The following MIS18A variants were observed in gnomAD, a reference collection of about 807,000 sequenced individuals.
MIS18A encodes protein Mis18-alpha.
In MIS18A, 14 loss-of-function variants were observed where a neutral mutation model predicts 25.0. The ratio of observed to expected loss-of-function variants is 0.56; its 90% CI spans 0.37 to 0.88. The LOEUF (loss-of-function observed/expected upper bound fraction) is 0.88, where lower values mean the gene tolerates loss of function less well. MIS18A is among the 40% of genes least tolerant of loss of function. The pLI, the probability that MIS18A is intolerant of heterozygous loss-of-function variation, is 0.00. For missense variants in MIS18A, 292 were observed against 290.8 expected, an observed-to-expected ratio of 1.00 and a Z score of -0.03; for synonymous variants, 134 against 118.6, an observed-to-expected ratio of 1.13 and a Z score of -0.84.
chr21:32,230,781 C>T, the MIS18A span, among the ~76,000 whole-genome samples: 1 of 152,144 alleles, frequency 6.6e-6, no homozygotes, highest in African/African-American at 2.4e-5. Flanking sequence ...AAAACTCTTA[C>T]AAGAAAACAC....
At chr21:32,193,526 A>C in the MIS18A span, among the ~76,000 whole-genome samples, 399 of 148,050 alleles carry the variant, frequency 2.7e-3, 3 homozygotes, top group African/African-American at 9.0e-3. Flanking sequence ...ATAGATGGAT[A>C]GATCGATCGA....
At chr21:32,240,913 C>T in the MIS18A span, among the ~76,000 whole-genome samples, 8 of 152,118 alleles carry the variant, frequency 5.3e-5, no homozygotes, top group African/African-American at 1.4e-4. Context: ...CACTACAATC[C>T]CCATAATACA....
At chr21:32,193,377 C>T in the MIS18A span, among the ~76,000 whole-genome samples, 2 of 152,182 alleles carry the variant, frequency 1.3e-5, no homozygotes, top group African/African-American at 4.8e-5. Flanking sequence ...GCAGTGGAAA[C>T]AGAAACTCGC....
chr21:32,233,301 C>T, the MIS18A span, among the ~76,000 whole-genome samples: 1 of 152,120 alleles, frequency 6.6e-6, no homozygotes, highest in Non-Finnish European at 1.5e-5. Context: ...CAAGGTCTTG[C>T]ACATCAATTG....
the MIS18A span, among the ~76,000 whole-genome samples, chr21:32,212,324 C>T: frequency 2.0e-5 from 3 of 152,186 alleles, no homozygotes; most frequent in East Asian, 1.9e-4. Context: ...CCTCCTACTT[C>T]TCGTGGTTGG....
the MIS18A span, among the ~76,000 whole-genome samples, chr21:32,167,943 G>A: frequency 2.0e-5 from 3 of 152,238 alleles, no homozygotes; most frequent in Middle Eastern, 3.4e-3. Context: ...TGGACTGAAC[G>A]ATTGTGTCCC....
chr21:32,278,747 G>T lies in MIS18A; in HGVS notation c.268C>A (p.Arg90=). The change falls in exon 1 of 5, where the codon CGG becomes AGG. Residue 90 remains arginine (R), a synonymous_variant. Coordinates refer to ENST00000290130, the MANE Select transcript of MIS18A (RefSeq NM_018944.3). ...CAGCTCAGCGAGTCGCCCAGCGGCC[G>T]CCGGCAGCCGGAGCACAGGAACACC... ...PLVFLCSGCR[R]PLGDSLSWVA... is the part of the protein sequence containing the mutation. 6.3e-7 allele frequency: 1 copy of T among 1,576,320 alleles called. No homozygotes were observed.
chr21:32,177,501 T>A, the MIS18A span, among the ~76,000 whole-genome samples: 2 of 152,148 alleles, frequency 1.3e-5, no homozygotes, highest in African/African-American at 4.8e-5. Flanking sequence ...AAATGAAACG[T>A]CATTATTCCC....
chr21:32,186,221 AT>A, the MIS18A span, among the ~76,000 whole-genome samples: 1 of 152,234 alleles, frequency 6.6e-6, no homozygotes, highest in Non-Finnish European at 1.5e-5. Flanking sequence ...AGAAATGATC[AT>A]AACGACTTGA....
chr21:32,165,367 A>C, the MIS18A span, among the ~76,000 whole-genome samples: 1 of 152,062 alleles, frequency 6.6e-6, no homozygotes, highest in Admixed American at 6.6e-5. Context: ...AAAATAATCA[A>C]AAATCCTCAA....
chr21:32,160,591 A>G, the MIS18A span, among the ~76,000 whole-genome samples: 4 of 152,114 alleles, frequency 2.6e-5, no homozygotes, highest in South Asian at 8.3e-4. Context: ...AAGGTGGGAC[A>G]ACTCTAAGCA....
chr21:32,191,370 G>T, the MIS18A span, among the ~76,000 whole-genome samples: 1 of 152,060 alleles, frequency 6.6e-6, no homozygotes, highest in African/African-American at 2.4e-5. Flanking sequence ...TGGGAGGATT[G>T]CTTGAGCCCA....
chr21:32,191,870 A>T, the MIS18A span, among the ~76,000 whole-genome samples: 1 of 151,958 alleles, frequency 6.6e-6, no homozygotes, highest in Non-Finnish European at 1.5e-5. Context: ...GTGCCATTGC[A>T]CTCCAGCCTG....
chr21:32,189,476 G>A, the MIS18A span, among the ~76,000 whole-genome samples: 9 of 152,056 alleles, frequency 5.9e-5, no homozygotes, highest in East Asian at 1.9e-4. Flanking sequence ...AAGGGGTTTC[G>A]CCATGTTGCC....
At position 32,278,756 on chromosome 21, in the gene MIS18A, C is replaced by G. The variant is rs1460604033; in HGVS notation, c.259G>C (p.Gly87Arg). ...GAGTCGCCCAGCGGCCGCCGGCAGC[C>G]GGAGCACAGGAACACCAGCGGCCTC... is the stretch of plus-strand genomic sequence containing the variant. ...EERPLVFLCS[G>R]CRRPLGDSLS... The change falls in exon 1 of 5, where the codon GGC becomes CGC. Residue 87 changes from glycine (G) to arginine (R), a missense_variant. Transcript: ENST00000290130. 6.3e-7 allele frequency: 1 copy of G among 1,578,234 alleles called. No individual in the cohort carries two copies. The highest frequency in any genetic ancestry group is 1.1e-5 in the South Asian group (1 of 88,016).
chr21:32,193,476 ATAGG>A, the MIS18A span, among the ~76,000 whole-genome samples: 9 of 93,004 alleles, frequency 9.7e-5, no homozygotes, highest in Admixed American at 6.5e-4. Flanking sequence ...TGATAGATAG[ATAGG>A]TAGATAGATA....
At chr21:32,218,886 G>A in the MIS18A span, among the ~76,000 whole-genome samples, 166 of 152,132 alleles carry the variant, frequency 1.1e-3, no homozygotes, top group African/African-American at 3.8e-3. Flanking sequence ...CCAACATGGT[G>A]AAACCCCGTC....
At chr21:32,196,599 T>G in the MIS18A span, among the ~76,000 whole-genome samples, 1 of 151,758 alleles carries the variant, frequency 6.6e-6, no homozygotes. Flanking sequence ...GGACTACAGG[T>G]GCATGCCACT....
chr21:32,274,393 C>T (rs1355856882), intron 2 of MIS18A, among the ~76,000 whole-genome samples: 7 of 151,728 alleles, frequency 4.6e-5, no homozygotes, highest in Non-Finnish European at 8.8e-5. Flanking sequence ...TTAGTGGAGA[C>T]GGGGTTTTGC....
Sources: allele counts gnomAD v4.1 joint callset (sites outside exome capture counted in the v4.1 genomes callset), GRCh38; gene constraint gnomAD v4.1.1; transcripts MANE v1.5; gene names NCBI Gene and HGNC (gene_info 2026-07-23, HGNC 2026-07-21).